The following XKR4 variants were observed in gnomAD, a reference collection of about 807,000 sequenced individuals.
The protein encoded by XKR4 is XK-related protein 4.
Under a neutral mutation model 53.9 loss-of-function variants are expected in XKR4, and 12 were observed. The observed-to-expected ratio is 0.22, with a 90% CI of 0.14 to 0.36. The LOEUF (loss-of-function observed/expected upper bound fraction) is 0.36, where lower values mean the gene tolerates loss of function less well. XKR4 is among the 10% of genes least tolerant of loss of function. The pLI, the probability that XKR4 is intolerant of heterozygous loss-of-function variation, is 1.00. For missense variants in XKR4, 799 were observed against 859.5 expected, an observed-to-expected ratio of 0.93 and a Z score of 0.88; for synonymous variants, 354 against 362.4, an observed-to-expected ratio of 0.98 and a Z score of 0.26.
intron 1 of XKR4, among the ~76,000 whole-genome samples, chr8:55,336,041 C>A (rs1381258134): frequency 3.8e-3 from 434 of 113,200 alleles, no homozygotes; most frequent in South Asian, 7.0e-3. Flanking sequence ...AACTCTATAC[C>A]AAAAAAAAAA....
intron 1 of XKR4, among the ~76,000 whole-genome samples, chr8:55,149,722 G>GA (rs1816816909): frequency 6.6e-6 from 1 of 152,064 alleles, no homozygotes; most frequent in African/African-American, 2.4e-5. Context: ...CTGGGATTAG[G>GA]AAAAAACTAG....
chr8:55,302,634 A>G (rs1283135231), intron 1 of XKR4, among the ~76,000 whole-genome samples: 3 of 152,086 alleles, frequency 2.0e-5, no homozygotes, highest in East Asian at 3.8e-4. Context: ...ATGAGCATGG[A>G]ATGTTCTTCC....
At chr8:55,270,579 T>A (rs1818675420) in intron 1 of XKR4, among the ~76,000 whole-genome samples, 1 of 152,234 alleles carries the variant, frequency 6.6e-6, no homozygotes, top group Non-Finnish European at 1.5e-5. Context: ...TGTAACATAG[T>A]GTTTAGAACA....
At chr8:55,177,125 C>T (rs1236703453) in intron 1 of XKR4, among the ~76,000 whole-genome samples, 2 of 151,900 alleles carry the variant, frequency 1.3e-5, no homozygotes, top group East Asian at 1.9e-4. Context: ...CAACCTCCGC[C>T]TCCCAGGTTC....
intron 2 of XKR4, among the ~76,000 whole-genome samples, chr8:55,433,713 T>C (rs763544485): frequency 1.3e-5 from 2 of 152,186 alleles, no homozygotes; most frequent in Non-Finnish European, 2.9e-5. Flanking sequence ...AGCAAGTGTG[T>C]ATTAAATGAG....
intron 2 of XKR4, among the ~76,000 whole-genome samples, chr8:55,512,126 A>G (rs999666528): frequency 4.6e-5 from 7 of 152,352 alleles, no homozygotes; most frequent in African/African-American, 1.4e-4. Context: ...AGAGGCACGC[A>G]GCTCCAGAAG....
chr8:55,164,873 C>G (rs1817044221), intron 1 of XKR4: 1 of 163,388 alleles, frequency 6.1e-6, no homozygotes, highest in Non-Finnish European at 1.3e-5. Context: ...AAGTAGTATG[C>G]TGTGCTTTGA....
chr8:55,386,485 C>T (rs1042174874), intron 2 of XKR4, among the ~76,000 whole-genome samples: 1 of 152,182 alleles, frequency 6.6e-6, no homozygotes, highest in Admixed American at 6.5e-5. Context: ...TTCAAATAAC[C>T]GCCAGGCAGA....
At chr8:55,283,358 G>A (rs554358623) in intron 1 of XKR4, among the ~76,000 whole-genome samples, 2 of 152,158 alleles carry the variant, frequency 1.3e-5, no homozygotes, top group Non-Finnish European at 2.9e-5. Context: ...TACCAGCTCC[G>A]TCACCAGCTG....
In XKR4 at chr8:55,102,131, C is replaced by G. The variant is rs1443351307; in HGVS notation, c.-358C>G. Among the ~76,000 whole-genome samples, 1 of 150,920 alleles carries G rather than the reference C, an allele frequency of 6.6e-6. No individual in the cohort carries two copies. Among genetic ancestry groups the G allele is most frequent in the South Asian group, 2.1e-4 (1 of 4,812 alleles). On this transcript the variant is annotated 5_prime_UTR_variant, in exon 1 of 3. Transcript: ENST00000327381. The surrounding 1 kb of genome is among the most constrained non-coding windows in gnomAD (Gnocchi z 5.1). ...CAGGTCCGAGGAGCGCCGCGGCGGC[C>G]GCTGCTGCTCCTGCTGCTGGCGGCG...
chr8:55,377,169 A>C (rs1222341833), intron 2 of XKR4, among the ~76,000 whole-genome samples: 1 of 152,152 alleles, frequency 6.6e-6, no homozygotes, highest in Non-Finnish European at 1.5e-5. Context: ...CTCAATGGAA[A>C]CTTGAGTCAA....
At chr8:55,365,421 G>C (rs1261665457) in intron 2 of XKR4, among the ~76,000 whole-genome samples, 1 of 152,116 alleles carries the variant, frequency 6.6e-6, no homozygotes, top group Non-Finnish European at 1.5e-5. Context: ...TTTAAAGAAG[G>C]GGGCTGGACG....
intron 1 of XKR4, among the ~76,000 whole-genome samples, chr8:55,299,886 T>C (rs1819160656): frequency 6.6e-6 from 1 of 152,040 alleles, no homozygotes; most frequent in African/African-American, 2.4e-5. Flanking sequence ...TTCCAGGACC[T>C]GAGGAGGGAG....
intron 1 of XKR4, among the ~76,000 whole-genome samples, chr8:55,303,345 G>T (rs182455231): frequency 6.6e-6 from 1 of 152,304 alleles, no homozygotes; most frequent in African/African-American, 2.4e-5. Flanking sequence ...CAGGGATGAA[G>T]CCCACTTGAT....
chr8:55,247,960 A>G (rs1351567519), intron 1 of XKR4, among the ~76,000 whole-genome samples: 1 of 148,794 alleles, frequency 6.7e-6, no homozygotes, highest in African/African-American at 2.5e-5. Context: ...GGTTCAAGCA[A>G]TTCTCCTGCC....
At chr8:55,519,440 T>C (rs1044013295) in intron 2 of XKR4, among the ~76,000 whole-genome samples, 1 of 152,226 alleles carries the variant, frequency 6.6e-6, no homozygotes, top group Non-Finnish European at 1.5e-5. Context: ...AATGTAACCA[T>C]GAAGAAGCAG....
At chr8:55,257,464 G>A (rs1029968514) in intron 1 of XKR4, among the ~76,000 whole-genome samples, 2 of 151,558 alleles carry the variant, frequency 1.3e-5, no homozygotes, top group African/African-American at 4.9e-5. Context: ...GAGAGAGAGA[G>A]AAAGAGAGAG....
chr8:55,278,187 A>G (rs1198948873), intron 1 of XKR4, among the ~76,000 whole-genome samples: 1 of 152,152 alleles, frequency 6.6e-6, no homozygotes, highest in Non-Finnish European at 1.5e-5. Context: ...ATCGAAAAAA[A>G]TTAGCCAGGC....
intron 1 of XKR4, among the ~76,000 whole-genome samples, chr8:55,261,745 A>G (rs1261394566): frequency 6.6e-6 from 1 of 152,232 alleles, no homozygotes; most frequent in Admixed American, 6.5e-5. Flanking sequence ...ATATCACGTG[A>G]GTTCTCCATG....
Sources: gnomAD v4.1 joint callset for allele counts (sites outside exome capture counted in the v4.1 genomes callset) on GRCh38, gnomAD v4.1.1 for gene constraint, Gnocchi (gnomAD v3.1) non-coding constraint, MANE v1.5 for transcripts, NCBI Gene and HGNC (gene_info 2026-07-23, HGNC 2026-07-21) for gene names.